The following HTT variants were observed in gnomAD, a reference collection of about 807,000 sequenced individuals.
The protein encoded by HTT is huntington disease protein.
HTT carries 104 observed loss-of-function variants against 362.3 expected under a neutral mutation model. The ratio of observed to expected loss-of-function variants is 0.29; its 90% CI spans 0.24 to 0.34. The LOEUF is 0.34. HTT is among the 10% of genes least tolerant of loss of function. HTT has a pLI of 1.00. For synonymous variants in HTT, 1,577 were observed against 1,548.7 expected (o/e 1.02, Z -0.43); for missense variants, 3,301 against 3,928.6 (o/e 0.84, Z 4.27).
At position 3,074,931 on chromosome 4, in the gene HTT, CA is replaced by C. The variant is rs1560535111; in HGVS notation, c.107del (p.Gln36ArgfsTer65). On this transcript the variant is annotated frameshift_variant, in exon 1 of 67. Coordinates refer to ENST00000355072, the MANE Select transcript of HTT (RefSeq NM_001388492.1). LOFTEE classifies it high-confidence loss of function. Reference sequence around the variant, plus strand: ...GCAGCAGCAGCAGCAGCAGCAGCAGCAGCAACAGCCGCCACCGCCGCCGCCG... The same window carrying C: ...GCAGCAGCAGCAGCAGCAGCAGCAGCGCAACAGCCGCCACCGCCGCCGCCG... ...QQQQQQQQQQQQQPPPPPPPP... is the reference protein window; with the variant it reads ...QQQQQQQQQQXQQPPPPPPPP... 2 of 1,490,834 alleles carry C rather than the reference CA, an allele frequency of 1.3e-6. No individual in the cohort carries two copies. Among genetic ancestry groups the C allele is most frequent in the African/African-American group, 1.5e-5 (1 of 67,190 alleles). The allele number at this position is 1,490,834 out of a possible 1,614,324, so 92.4% of individuals were successfully genotyped here.
chr4:3,131,441 G>A (rs1715812408), intron 15 of HTT, 44 bp downstream of exon 15: 1 of 1,525,368 alleles, frequency 6.6e-7, no homozygotes, highest in Non-Finnish European at 9.1e-7. Flanking sequence ...AAATAACTAG[G>A]TTTCAGAGGT....
At chr4:3,173,212 G>A (rs948835357) in intron 31 of HTT, 81 bp downstream of exon 31, 79 of 1,146,394 alleles carry the variant, frequency 6.9e-5, no homozygotes, top group Admixed American at 1.1e-4. Context: ...GAATAAAAAC[G>A]AAAAATGTTA....
chr4:3,152,786 A>G (rs1578542443), intron 26 of HTT, among the ~76,000 whole-genome samples: 2 of 148,770 alleles, frequency 1.3e-5, no homozygotes, highest in East Asian at 2.0e-4. Flanking sequence ...GGCTGGGACT[A>G]CAGGCCCATG....
chr4:3,213,208 C>T (rs371980081), intron 49 of HTT, among the ~76,000 whole-genome samples: 1 of 152,194 alleles, frequency 6.6e-6, no homozygotes, highest in Non-Finnish European at 1.5e-5. Flanking sequence ...CACCTCACAC[C>T]AAAGAAAGGG....
At chr4:3,152,120 A>G (rs1716924993) in intron 26 of HTT, among the ~76,000 whole-genome samples, 1 of 145,412 alleles carries the variant, frequency 6.9e-6, no homozygotes, top group Non-Finnish European at 1.5e-5. Flanking sequence ...TTTTTTTGAG[A>G]CAGAGTCTCA....
chr4:3,228,869 A>G lies in HTT; in HGVS notation c.7980-11A>G. On this transcript the variant is annotated splice_polypyrimidine_tract_variant and intron_variant, in intron 58 of 66. Coordinates refer to ENST00000355072, the MANE Select transcript of HTT (RefSeq NM_001388492.1). This position sits in a 1 kb window ranked among gnomAD's most constrained non-coding sequence, Gnocchi z 4.3. ...TGTACTTGGAAAATACCCATCTCGCATATTCCACAGGAAACACCGGGCTGG... is the reference window on the plus strand; with the variant it reads ...TGTACTTGGAAAATACCCATCTCGCGTATTCCACAGGAAACACCGGGCTGG... The G allele has an allele frequency of 6.2e-7, 1 of 1,610,020 alleles. No individual in the cohort carries two copies. Among genetic ancestry groups the G allele is most frequent in the Non-Finnish European group, 8.5e-7 (1 of 1,176,636 alleles).
In HTT at chr4:3,075,007, T is replaced by A. The variant is rs1712432491; in HGVS notation, c.182T>A (p.Leu61Gln). 2.1e-6 allele frequency: 3 copies of A among 1,396,838 alleles called. No homozygotes were observed. Among genetic ancestry groups the A allele is most frequent in the Admixed American group, 5.3e-5 (2 of 37,394 alleles). 86.5% of individuals were successfully genotyped at this position (1,396,838 alleles called of 1,614,324 possible). A position where few individuals can be genotyped will look rare whatever the true frequency, so the allele number is the denominator to read the frequency against. Residue 61 changes from leucine (L) to glutamine (Q), a missense_variant, in exon 1 of 67, where the codon CTG becomes CAG. Physicochemically the swap from Leu to Gln is moderately radical, Grantham distance 113 (BLOSUM62 -2). Around this residue, in one of 4 missense-constraint regions of HTT, gnomAD observed 2,316 missense variants for 2,658.5 expected, o/e 0.87. Coordinates refer to ENST00000355072, the MANE Select transcript of HTT (RefSeq NM_001388492.1). The stretch of plus-strand genomic sequence containing the variant: ...CAGCCGCCGCCGCAGGCACAGCCGC[T>A]GCTGCCTCAGCCGCAGCCGCCCCCG... ...LPQPPPQAQP[L>Q]LPQPQPPPPP...
chr4:3,226,639 G>A (rs1720932096), intron 57 of HTT, among the ~76,000 whole-genome samples: 1 of 152,236 alleles, frequency 6.6e-6, no homozygotes, highest in Non-Finnish European at 1.5e-5. Flanking sequence ...TTTAGTGAAA[G>A]CAGTTGTGCA....
At chr4:3,179,987 A>G (rs1255305429) in intron 35 of HTT, among the ~76,000 whole-genome samples, 2 of 152,220 alleles carry the variant, frequency 1.3e-5, no homozygotes, top group African/African-American at 4.8e-5. Context: ...ATATGTGGTC[A>G]TAGTAGACCA....
chr4:3,210,988 C>T (rs949881441), intron 47 of HTT, among the ~76,000 whole-genome samples: 3 of 147,752 alleles, frequency 2.0e-5, no homozygotes, highest in African/African-American at 2.5e-5. Context: ...CTGCAACCTC[C>T]GCCTCCTGGG....
At chr4:3,146,717 C>T (rs1716621448) in intron 24 of HTT, 80 bp from the exon 25 acceptor site, 3 of 1,311,638 alleles carry the variant, frequency 2.3e-6, no homozygotes, top group Non-Finnish European at 3.3e-6. Flanking sequence ...ATGCCTTCCT[C>T]TTGGAATTGC....
Position 3,122,886 on chromosome 4 carries a change from C to T in HTT, c.1274-3C>T. The T allele has an allele frequency of 1.2e-6, 2 of 1,602,920 alleles. No individual in the cohort carries two copies. Among genetic ancestry groups the T allele is most frequent in the Non-Finnish European group, 8.5e-7 (1 of 1,173,536 alleles). On this transcript the variant is annotated splice_region_variant and splice_polypyrimidine_tract_variant and intron_variant, in intron 9 of 66. Coordinates refer to ENST00000355072, the MANE Select transcript of HTT (RefSeq NM_001388492.1). ...TTTATCTGTCACTTTCTGTGATTTGCAGCTGGAGGGGGTTCCTCATGCAGC... is the reference window on the plus strand; with the variant it reads ...TTTATCTGTCACTTTCTGTGATTTGTAGCTGGAGGGGGTTCCTCATGCAGC...
At chr4:3,140,394 GTGGTGTCCGC>G in intron 21 of HTT, 106 bp from the exon 22 acceptor site, 2 of 787,006 alleles carry the variant, frequency 2.5e-6, no homozygotes, top group Non-Finnish European at 4.1e-6. Context: ...GGGGCGAGAA[GTGGTGTCCGC>G]TGGTAACCAG....
chr4:3,190,808 C>T (rs1415183209), intron 40 of HTT, among the ~76,000 whole-genome samples: 5 of 152,138 alleles, frequency 3.3e-5, no homozygotes, highest in African/African-American at 4.8e-5. Flanking sequence ...CCAAGAAGAA[C>T]GATCGTTTGT....
At chr4:3,203,875 A>G in intron 41 of HTT, 132 bp from the exon 42 acceptor site, 1 of 812,990 alleles carries the variant, frequency 1.2e-6, no homozygotes, top group Non-Finnish European at 2.0e-6. Flanking sequence ...CACATACAAC[A>G]TTCTGATATG....
intron 5 of HTT, among the ~76,000 whole-genome samples, chr4:3,106,588 TAG>T (rs1374708731): frequency 1.3e-5 from 2 of 152,140 alleles, no homozygotes; most frequent in Admixed American, 6.5e-5. Flanking sequence ...GCCGTTTAGA[TAG>T]AGATTCCAGA....
At chr4:3,226,600 G>A (rs1035658204) in intron 57 of HTT, among the ~76,000 whole-genome samples, 3 of 152,272 alleles carry the variant, frequency 2.0e-5, no homozygotes, top group Non-Finnish European at 4.4e-5. Flanking sequence ...CCACCCCGGT[G>A]CTGTGTCTTT....
chr4:3,125,710 A>G, intron 11 of HTT, 81 bp downstream of exon 11: 2 of 1,002,462 alleles, frequency 2.0e-6, no homozygotes, highest in East Asian at 4.8e-5. Flanking sequence ...GTCCCCCTGC[A>G]CCTGGTGGAC....
At chr4:3,171,197 A>C (rs922015052) in intron 29 of HTT, among the ~76,000 whole-genome samples, 18 of 152,252 alleles carry the variant, frequency 1.2e-4, no homozygotes, top group African/African-American at 4.3e-4. Flanking sequence ...AAACACTTAG[A>C]ATATACTTTG....
Sources: gnomAD v4.1 joint callset for allele counts (sites outside exome capture counted in the v4.1 genomes callset) on GRCh38, gnomAD v4.1.1 for gene constraint, gnomAD v4.1.1 regional missense constraint, Gnocchi (gnomAD v3.1) non-coding constraint, MANE v1.5 for transcripts, NCBI Gene and HGNC (gene_info 2026-07-23, HGNC 2026-07-21) for gene names.